The following PPIL2 variants were observed in gnomAD, a reference collection of about 807,000 sequenced individuals.
The protein encoded by PPIL2 is RING-type E3 ubiquitin-protein ligase PPIL2.
Under a neutral mutation model 75.2 loss-of-function variants are expected in PPIL2, and 50 were observed. That is an observed-to-expected ratio of 0.66 (90% CI 0.53 to 0.84). PPIL2 has a LOEUF of 0.84. Among genes scored for constraint, PPIL2 ranks in the 40% least tolerant of loss-of-function variants. PPIL2 has a pLI of 0.00. For synonymous variants in PPIL2, 245 were observed against 258.8 expected (o/e 0.95, Z 0.51); for missense variants, 590 against 685.0 (o/e 0.86, Z 1.55).
chr22:21,670,742 T>C, intron 3 of PPIL2, 131 bp downstream of exon 3: 2 of 1,059,100 alleles, frequency 1.9e-6, no homozygotes, highest in Non-Finnish European at 2.9e-6. Flanking sequence ...CAGTTCATGT[T>C]GGGAGAAGAT....
At chr22:21,670,474 T>A in intron 2 of PPIL2, 92 bp from the exon 3 acceptor site, 3 of 1,499,578 alleles carry the variant, frequency 2.0e-6, no homozygotes, top group Non-Finnish European at 2.8e-6. Flanking sequence ...GCATGAACTT[T>A]TTCATAAGCT....
intron 15 of PPIL2, among the ~76,000 whole-genome samples, chr22:21,690,887 TTTA>T (rs1005923528): frequency 1.4e-4 from 21 of 152,130 alleles, no homozygotes; most frequent in Admixed American, 3.3e-4. Context: ...AGGGAATCAT[TTTA>T]TTATTTTTTA....
rs1287125211 is a variant in PPIL2 at position 21,666,205 on chromosome 22, T to C, written c.32+74T>C. 2.0e-6 allele frequency: 3 copies of C among 1,496,556 alleles called. No individual in the cohort carries two copies. In the African/African-American group the frequency reaches 4.2e-5, roughly 21 times the overall value. 92.7% of individuals were successfully genotyped at this position (1,496,556 alleles called of 1,614,324 possible). A position where few individuals can be genotyped will look rare whatever the true frequency, so the allele number is the denominator to read the frequency against. ...CCGCCTGTCCCGCACTGCGCGCCGCTCGCCTTCCCTCTCAGCTACTCCCCA... is the reference window on the plus strand; with the variant it reads ...CCGCCTGTCCCGCACTGCGCGCCGCCCGCCTTCCCTCTCAGCTACTCCCCA... On this transcript the variant is annotated intron_variant, in intron 1 of 19. Coordinates refer to ENST00000398831, the MANE Select transcript of PPIL2 (RefSeq NM_014337.4).
At chr22:21,687,133 C>T (rs2067400664) in intron 12 of PPIL2, 135 bp downstream of exon 12, 1 of 817,040 alleles carries the variant, frequency 1.2e-6, no homozygotes. Flanking sequence ...GCGGGACCCG[C>T]AGCAGTGCCC....
Position 21,675,090 on chromosome 22 carries a change from G to A in PPIL2, c.270G>A (p.Lys90=). 3 of 1,613,522 alleles carry A rather than the reference G, an allele frequency of 1.9e-6. No individual in the cohort carries two copies. Among genetic ancestry groups the A allele is most frequent in the South Asian group, 2.2e-5 (2 of 91,068 alleles). ...AGCTGGACGGGAGGTCCCTGATCAAGCTGAACTTTTCCAAGAACAGTGAGG... is the reference window on the plus strand; with the variant it reads ...AGCTGGACGGGAGGTCCCTGATCAAACTGAACTTTTCCAAGAACAGTGAGG... ...GEKLDGRSLI[K]LNFSKNSEGK... is the part of the protein sequence containing the mutation. The change falls in exon 6 of 20, where the codon AAG becomes AAA. Residue 90 remains lysine (K), a synonymous_variant. Transcript: ENST00000398831.
At chr22:21,683,090 C>A in intron 8 of PPIL2, 92 bp from the exon 9 acceptor site, 1 of 1,114,340 alleles carries the variant, frequency 9.0e-7, no homozygotes, top group Non-Finnish European at 1.4e-6. Context: ...GCCTCTTCCA[C>A]ACCTCTGACA....
chr22:21,683,463 C>T (rs2067215142), intron 9 of PPIL2, among the ~76,000 whole-genome samples: 1 of 152,238 alleles, frequency 6.6e-6, no homozygotes, highest in African/African-American at 2.4e-5. Flanking sequence ...CCTGCCAGCA[C>T]ACCTGCTCAG....
rs575609538 is a variant in PPIL2, at chr22:21,691,924, C to T, written c.1140-1892C>T. Among the ~76,000 whole-genome samples the T allele has an allele frequency of 4.6e-5, 7 of 152,130 alleles. No homozygotes were observed. In the South Asian group the frequency reaches 8.3e-4, roughly 18 times the overall value. On this transcript the variant is annotated intron_variant, in intron 15 of 19. Coordinates refer to ENST00000398831, the MANE Select transcript of PPIL2 (RefSeq NM_014337.4). ...TGGTGGGCTCAGGAGCGTGTCCCTG[C>T]GTGGCTGGGGGGTGCATGTTTGATG... is the stretch of plus-strand genomic sequence containing the variant.
rs952167272 is a variant in PPIL2, at chr22:21,696,605, A to T, written c.*1115A>T. On this transcript the variant is annotated 3_prime_UTR_variant, in exon 20 of 20. Coordinates refer to ENST00000398831, the MANE Select transcript of PPIL2 (RefSeq NM_014337.4). ...AGTGGTCAGTGTTCTCATGTCATGG[A>T]CTCTCCTTGCCTGACACTTGCCTCT... is the stretch of plus-strand genomic sequence containing the variant. 4 of 1,474,270 alleles carry T rather than the reference A, an allele frequency of 2.7e-6. No individual in the cohort carries two copies. The highest frequency in any genetic ancestry group is 3.6e-6 in the Non-Finnish European group (4 of 1,115,850). 91.3% of individuals were successfully genotyped at this position (1,474,270 alleles called of 1,614,324 possible). A position where few individuals can be genotyped will look rare whatever the true frequency, so the allele number is the denominator to read the frequency against.
chr22:21,670,247 G>GT, intron 2 of PPIL2: 1 of 1,249,324 alleles, frequency 8.0e-7, no homozygotes, highest in Non-Finnish European at 1.1e-6. Flanking sequence ...ACATTTAAAT[G>GT]TTTTTTCTCT....
chr22:21,681,896 G>T (rs1376802265), intron 7 of PPIL2, among the ~76,000 whole-genome samples: 1 of 152,250 alleles, frequency 6.6e-6, no homozygotes. Context: ...TGGCGGGAAA[G>T]CCGACCTTTG....
In PPIL2 at chr22:21,688,729, C is replaced by T. The variant is rs772432894; in HGVS notation, c.1022-3C>T. On this transcript the variant is annotated splice_polypyrimidine_tract_variant and splice_region_variant and intron_variant, in intron 14 of 19. Coordinates refer to ENST00000398831, the MANE Select transcript of PPIL2 (RefSeq NM_014337.4). ...CCTGCTCCCATGGGCCTTTCTCTTC[C>T]AGGTGGGGAGTCATACTGGGGGAAG... The T allele has an allele frequency of 1.2e-5, 19 of 1,613,770 alleles. No homozygotes were observed. The highest frequency in any genetic ancestry group is 3.3e-5 in the Admixed American group (2 of 60,000).
rs1183772424 is a variant in PPIL2 at position 21,670,839 on chromosome 22, T to C, written c.129-158T>C. 4 of 874,100 alleles carry C rather than the reference T, an allele frequency of 4.6e-6. No homozygotes were observed. The Admixed American group carries it at 7.3e-5, about 16-fold the overall frequency. The allele number at this position is 874,100 out of a possible 1,614,324, so 54.1% of individuals were successfully genotyped here. ...ACCAGGGGTGGCACAAACACTATTG[T>C]AGTTGGAGGAGAAGGTTGGTGAGAG... On this transcript the variant is annotated intron_variant, in intron 3 of 19. Coordinates refer to ENST00000398831, the MANE Select transcript of PPIL2 (RefSeq NM_014337.4).
chr22:21,676,243 AGTGTGTGTGTGTGTGT>A (rs36131221), intron 6 of PPIL2, among the ~76,000 whole-genome samples: 2 of 130,508 alleles, frequency 1.5e-5, no homozygotes, highest in Non-Finnish European at 3.3e-5. Flanking sequence ...TGTGATCAGC[AGTGTGTGTGTGTGTGT>A]GTGTGTGTGT....
chr22:21,678,561 G>A (rs887634924), intron 6 of PPIL2, among the ~76,000 whole-genome samples: 1 of 152,126 alleles, frequency 6.6e-6, no homozygotes, highest in Admixed American at 6.5e-5. Context: ...TTCCCCGTGC[G>A]TGAAAGTGGA....
Position 21,693,852 on chromosome 22 carries a change from G to A in PPIL2, c.1176G>A (p.Lys392=). ...TTCGCTCCTGTGCCTACCTGGACAA[G>A]AAGCATACCATCTTTGGACGGTAAG... ...ITFRSCAYLD[K]KHTIFGRVVG... is the part of the protein sequence containing the mutation. Residue 392 remains lysine, a synonymous_variant, in exon 16 of 20, where the codon AAG becomes AAA. Coordinates refer to ENST00000398831, the MANE Select transcript of PPIL2 (RefSeq NM_014337.4). 8 of 1,546,970 alleles carry A rather than the reference G, an allele frequency of 5.2e-6. No individual in the cohort carries two copies. Among genetic ancestry groups the A allele is most frequent in the Non-Finnish European group, 7.1e-6 (8 of 1,118,920 alleles).
intron 6 of PPIL2, among the ~76,000 whole-genome samples, chr22:21,678,403 G>C (rs1181288318): frequency 6.6e-6 from 1 of 151,902 alleles, no homozygotes; most frequent in East Asian, 1.9e-4. Context: ...GCTAGTTTTT[G>C]TGTTTTTTGT....
intron 7 of PPIL2, 93 bp from the exon 8 acceptor site, chr22:21,682,344 C>T: frequency 9.2e-7 from 1 of 1,085,558 alleles, no homozygotes; most frequent in Non-Finnish European, 1.4e-6. Context: ...CAAATCGTGC[C>T]ATGGTCGGGG....
Position 21,696,893 on chromosome 22 carries a change from A to C in PPIL2, c.*1403A>C, listed in dbSNP as rs1042515444. 2.5e-6 allele frequency: 4 copies of C among 1,592,836 alleles called. No individual in the cohort carries two copies. In the East Asian group the frequency reaches 9.1e-5, roughly 36 times the overall value. ...CCCATCCACTGCCACAGGCTGCCTG[A>C]TGACCACTAGAGGTATGTCTGCCCC... On this transcript the variant is annotated 3_prime_UTR_variant, in exon 20 of 20. Coordinates refer to ENST00000398831, the MANE Select transcript of PPIL2 (RefSeq NM_014337.4).
Sources: gnomAD v4.1 joint callset for allele counts (sites outside exome capture counted in the v4.1 genomes callset) on GRCh38, gnomAD v4.1.1 for gene constraint, MANE v1.5 for transcripts, NCBI Gene and HGNC (gene_info 2026-07-23, HGNC 2026-07-21) for gene names.